The following PPP2R2C variants were observed in gnomAD, a reference collection of about 807,000 sequenced individuals.
The protein encoded by PPP2R2C is protein phosphatase 2, regulatory subunit B, gamma.
In PPP2R2C, 10 loss-of-function variants were observed where a neutral mutation model predicts 45.3. The observed-to-expected ratio is 0.22, with a 90% confidence interval of 0.14 to 0.37. PPP2R2C has a LOEUF of 0.37. Ranked by LOEUF, PPP2R2C falls within the 10% of genes least tolerant of loss-of-function variation. The pLI is 1.00. For synonymous variants in PPP2R2C, 257 were observed against 245.4 expected, an observed-to-expected ratio of 1.05 and a Z score of -0.44; for missense variants, 308 against 619.7, an observed-to-expected ratio of 0.50 and a Z score of 5.34.
chr4:6,481,167 T>C (rs1722333092), intron 2 of PPP2R2C, among the ~76,000 whole-genome samples: 1 of 152,260 alleles, frequency 6.6e-6, no homozygotes, highest in Non-Finnish European at 1.5e-5. Context: ...CAGAAGTCAT[T>C]CATTTTGATG....
At chr4:6,376,810 C>CCTCG (rs1715342389) in intron 3 of PPP2R2C, among the ~76,000 whole-genome samples, 1 of 152,168 alleles carries the variant, frequency 6.6e-6, no homozygotes, top group East Asian at 1.9e-4. Flanking sequence ...CAGGACGAGG[C>CCTCG]TCCTGTCCCC....
chr4:6,373,095 G>A (rs556794116), intron 4 of PPP2R2C, among the ~76,000 whole-genome samples: 9 of 152,222 alleles, frequency 5.9e-5, no homozygotes, highest in Non-Finnish European at 1.3e-4. Flanking sequence ...CAGCCTTTGT[G>A]CCCAGACATG....
chr4:6,350,187 A>G (rs1712410359), intron 5 of PPP2R2C: 1 of 985,470 alleles, frequency 1.0e-6, no homozygotes, highest in African/African-American at 1.7e-5. Flanking sequence ...ACTGAAGGCC[A>G]AGCAAGAAAA....
At chr4:6,499,636 A>T (rs1722983070) in intron 2 of PPP2R2C, among the ~76,000 whole-genome samples, 1 of 152,114 alleles carries the variant, frequency 6.6e-6, no homozygotes, top group Admixed American at 6.6e-5. Context: ...TTTATAAAGC[A>T]GGAGGAGATG....
chr4:6,374,579 G>A (rs1715142224), intron 4 of PPP2R2C, among the ~76,000 whole-genome samples: 1 of 152,200 alleles, frequency 6.6e-6, no homozygotes, highest in African/African-American at 2.4e-5. Context: ...AAGGCCAGTA[G>A]GGTTTTATGG....
chr4:6,329,932 C>G lies in PPP2R2C; in HGVS notation c.961-579G>C. ...CTCACAGTGGTTCTGGCATTAAGTG[C>G]AGGGCAGGCCTTTTGAGGGTAATGA... is the stretch of plus-strand genomic sequence containing the variant. On this transcript the variant is annotated intron_variant, in intron 7 of 8. Coordinates refer to ENST00000382599, the MANE Select transcript of PPP2R2C (RefSeq NM_020416.4). This position sits in a 1 kb window ranked among gnomAD's most constrained non-coding sequence, Gnocchi z 5.8. Among the ~76,000 whole-genome samples, 1 of 152,176 alleles carries G rather than the reference C, an allele frequency of 6.6e-6. No individual in the cohort carries two copies.
rs558125155 is a variant in PPP2R2C, at chr4:6,485,413, C to T, written c.49+49858G>A. On this transcript the variant is annotated intron_variant, in intron 2 of 9. Transcript: ENST00000506140. ...CACAGAATGATTTGGAAAGTGTTCT[C>T]AAGTTTTTGGAAGAGTTTATGTAGA... 4.6e-5 allele frequency among the ~76,000 whole-genome samples: 7 copies of T among 151,948 alleles called. No homozygotes were observed. The South Asian group carries it at 1.5e-3, about 32-fold the overall frequency.
At position 6,448,794 on chromosome 4, in the gene PPP2R2C, C is replaced by A. The variant is rs182875383; in HGVS notation, c.70+23366G>T. ...TCCTCCCCCCAGTGAGCAAAGGAAC[C>A]ACAAGCCAATGGCCACCACCCCAAG... On this transcript the variant is annotated intron_variant, in intron 1 of 8. Coordinates refer to ENST00000382599, the MANE Select transcript of PPP2R2C (RefSeq NM_020416.4). Among the ~76,000 whole-genome samples the A allele has an allele frequency of 7.9e-5, 12 of 152,328 alleles. No homozygotes were observed. The East Asian group carries it at 2.3e-3, about 29-fold the overall frequency.
chr4:6,536,668 G>C (rs532209518), intron 1 of PPP2R2C, among the ~76,000 whole-genome samples: 1 of 152,338 alleles, frequency 6.6e-6, no homozygotes, highest in Admixed American at 6.5e-5. Context: ...CTCCACAGGG[G>C]ACAATTTGAC....
At chr4:6,372,204 C>A (rs1004976273) in intron 5 of PPP2R2C, among the ~76,000 whole-genome samples, 1 of 152,234 alleles carries the variant, frequency 6.6e-6, no homozygotes, top group Non-Finnish European at 1.5e-5. Context: ...AGCAGTCCCT[C>A]GTCCAGAGCA....
chr4:6,339,673 A>G (rs1384003111), intron 6 of PPP2R2C, among the ~76,000 whole-genome samples: 1 of 152,058 alleles, frequency 6.6e-6, no homozygotes, highest in African/African-American at 2.4e-5. Flanking sequence ...AGGCCTCCAG[A>G]GAAACAGATG....
intron 6 of PPP2R2C, among the ~76,000 whole-genome samples, chr4:6,337,833 T>C (rs1203237177): frequency 1.3e-5 from 2 of 151,712 alleles, no homozygotes; most frequent in African/African-American, 2.4e-5. Flanking sequence ...TTTCTGAGGG[T>C]TTTTAAGGAC....
At chr4:6,486,997 A>G (rs1451732736) in intron 2 of PPP2R2C, among the ~76,000 whole-genome samples, 1 of 151,948 alleles carries the variant, frequency 6.6e-6, no homozygotes, top group African/African-American at 2.4e-5. Context: ...CTGGCTTCTT[A>G]GTTACAACTC....
At position 6,328,005 on chromosome 4, in the gene PPP2R2C, T is replaced by A. The variant is rs1267874345; in HGVS notation, c.1052+1257A>T. ...CCCTCATCCCACACACCAACCCTGA[T>A]GGTCCCAGCCCTATGCCCAGAGCCA... is the stretch of plus-strand genomic sequence containing the variant. On this transcript the variant is annotated intron_variant, in intron 8 of 8. Transcript: ENST00000382599. This position sits in a 1 kb window ranked among gnomAD's most constrained non-coding sequence, Gnocchi z 4.4. Among the ~76,000 whole-genome samples, 2 of 152,118 alleles carry A rather than the reference T, an allele frequency of 1.3e-5. No individual in the cohort carries two copies. Among genetic ancestry groups the A allele is most frequent in the African/African-American group, 4.8e-5 (2 of 41,430 alleles).
intron 5 of PPP2R2C, chr4:6,350,718 G>A (rs893013409): frequency 1.9e-5 from 19 of 985,264 alleles, no homozygotes; most frequent in Non-Finnish European, 2.4e-6. Context: ...GTGGCCAGAG[G>A]CTGGTTGCTT....
chr4:6,421,804 C>G (rs1324478944), intron 1 of PPP2R2C, among the ~76,000 whole-genome samples: 1 of 152,198 alleles, frequency 6.6e-6, no homozygotes, highest in African/African-American at 2.4e-5. Flanking sequence ...TCACAGTTAC[C>G]CTGTTGGTAA....
chr4:6,338,854 C>T (rs1187050839), intron 6 of PPP2R2C, among the ~76,000 whole-genome samples: 2 of 152,166 alleles, frequency 1.3e-5, no homozygotes, highest in Non-Finnish European at 2.9e-5. Flanking sequence ...CAGAATGCAT[C>T]GTGCTCTGTG....
At position 6,333,759 on chromosome 4, in the gene PPP2R2C, C is replaced by T. The variant is rs372389696; in HGVS notation, c.791-28G>A. 100 of 1,613,124 alleles carry T rather than the reference C, an allele frequency of 6.2e-5. No individual in the cohort carries two copies. In the African/African-American group the frequency reaches 1.2e-3, roughly 19 times the overall value. ...GTGGAGACAGAGAAGCAATGGCCGT[C>T]ACTGCGCTGCTCCCGCCCATGGGGT... On this transcript the variant is annotated intron_variant, in intron 6 of 8. Transcript: ENST00000382599.
At chr4:6,553,586 A>G (rs1725258422) in intron 1 of PPP2R2C, among the ~76,000 whole-genome samples, 1 of 152,166 alleles carries the variant, frequency 6.6e-6, no homozygotes, top group African/African-American at 2.4e-5. Context: ...GGGCAGGGGA[A>G]AAAGGGCCAA....
Sources: allele counts gnomAD v4.1 joint callset (sites outside exome capture counted in the v4.1 genomes callset), GRCh38; gene constraint gnomAD v4.1.1; non-coding constraint Gnocchi (gnomAD v3.1); transcripts MANE v1.5; gene names NCBI Gene and HGNC (gene_info 2026-07-23, HGNC 2026-07-21).